CA10: variants seen among roughly 807,000 people sequenced by gnomAD.
CA10 encodes the protein carbonic anhydrase-related protein 10.
CA10 carries 14 observed loss-of-function variants against 44.2 expected under a neutral mutation model. The observed-to-expected ratio is 0.32, with a 90% confidence interval of 0.21 to 0.50. CA10 has a LOEUF of 0.50. CA10 is among the 20% of genes least tolerant of loss of function. The pLI, the probability that CA10 is intolerant of heterozygous loss-of-function variation, is 0.99. For missense variants in CA10, 350 were observed against 409.7 expected, an observed-to-expected ratio of 0.85 and a Z score of 1.26; for synonymous variants, 159 against 141.6, an observed-to-expected ratio of 1.12 and a Z score of -0.87.
intron 3 of CA10, among the ~76,000 whole-genome samples, chr17:51,790,768 C>A (rs1422204857): frequency 6.6e-6 from 1 of 152,240 alleles, no homozygotes; most frequent in Non-Finnish European, 1.5e-5. Context: ...GTTCTACCAT[C>A]TGTGCATCTC....
intron 3 of CA10, among the ~76,000 whole-genome samples, chr17:51,855,293 T>C (rs545279994): frequency 9.9e-5 from 15 of 152,274 alleles, no homozygotes; most frequent in Middle Eastern, 3.4e-3. Context: ...TTCTTATTAC[T>C]ATACAGAAAA....
chr17:52,071,341 A>G (rs896747720), intron 2 of CA10, among the ~76,000 whole-genome samples: 3 of 152,226 alleles, frequency 2.0e-5, no homozygotes, highest in Non-Finnish European at 4.4e-5. Flanking sequence ...GCAAAGCCTC[A>G]CGAGTACTTA....
chr17:51,683,910 G>A (rs563850228), intron 4 of CA10, among the ~76,000 whole-genome samples: 1 of 152,320 alleles, frequency 6.6e-6, no homozygotes, highest in Admixed American at 6.5e-5. Context: ...GACTGTCAGA[G>A]AACCTTCAGA....
chr17:51,664,877 A>G (rs1482895477), intron 4 of CA10, among the ~76,000 whole-genome samples: 1 of 152,222 alleles, frequency 6.6e-6, no homozygotes, highest in East Asian at 1.9e-4. Flanking sequence ...TCAAATATCC[A>G]GGGGCAATGA....
chr17:51,888,802 A>G (rs189513626), intron 3 of CA10, among the ~76,000 whole-genome samples: 41 of 152,332 alleles, frequency 2.7e-4, no homozygotes, highest in Middle Eastern at 3.4e-3. Context: ...ATTGCTACAT[A>G]ATAAATCATC....
intron 3 of CA10, among the ~76,000 whole-genome samples, chr17:51,862,529 C>T (rs1979358303): frequency 1.3e-5 from 2 of 151,830 alleles, no homozygotes; most frequent in Admixed American, 1.3e-4. Context: ...TTTTCAGAGG[C>T]TAAGTTGCTC....
intron 3 of CA10, among the ~76,000 whole-genome samples, chr17:51,770,810 G>A (rs1386700684): frequency 6.6e-6 from 1 of 151,818 alleles, no homozygotes; most frequent in Admixed American, 6.6e-5. Flanking sequence ...AGTGGTGGGG[G>A]AGGTGCCACA....
At chr17:51,752,130 T>C (rs1166080995) in intron 3 of CA10, among the ~76,000 whole-genome samples, 2 of 152,000 alleles carry the variant, frequency 1.3e-5, no homozygotes, top group South Asian at 2.1e-4. Context: ...TAACATTAAT[T>C]TGTATTAATC....
At chr17:51,665,821 C>T (rs4794294) in intron 4 of CA10, among the ~76,000 whole-genome samples, 1 of 152,132 alleles carries the variant, frequency 6.6e-6, no homozygotes, top group African/African-American at 2.4e-5. Context: ...TGAAGGAAAT[C>T]TTGTTAGGTG....
intron 4 of CA10, among the ~76,000 whole-genome samples, chr17:51,705,350 G>A (rs921602137): frequency 6.6e-6 from 1 of 152,094 alleles, no homozygotes; most frequent in African/African-American, 2.4e-5. Flanking sequence ...TCCTTTTAGA[G>A]CACAAACCCC....
chr17:52,053,190 G>GATGGTGAAATC (rs1280928921), intron 2 of CA10, among the ~76,000 whole-genome samples: 1 of 152,128 alleles, frequency 6.6e-6, no homozygotes, highest in Non-Finnish European at 1.5e-5. Flanking sequence ...CTTGAAGGAA[G>GATGGTGAAATC]ATGGTGAAAT....
At chr17:51,765,805 G>C (rs1905361631) in intron 3 of CA10, among the ~76,000 whole-genome samples, 1 of 151,406 alleles carries the variant, frequency 6.6e-6, no homozygotes, top group Admixed American at 6.6e-5. Context: ...AAGGTACCAG[G>C]GAGAGTCTGG....
At chr17:51,713,761 G>T (rs1916014001) in intron 4 of CA10, among the ~76,000 whole-genome samples, 1 of 152,154 alleles carries the variant, frequency 6.6e-6, no homozygotes, top group African/African-American at 2.4e-5. Context: ...TTCCTGGGTA[G>T]GTTCATGACC....
intron 6 of CA10, among the ~76,000 whole-genome samples, chr17:51,642,681 C>T (rs764456086): frequency 7.2e-5 from 11 of 151,990 alleles, no homozygotes; most frequent in Admixed American, 5.9e-4. Context: ...CTTGCTCTGT[C>T]GCCCAGGCTG....
intron 3 of CA10, among the ~76,000 whole-genome samples, chr17:51,782,150 G>A (rs1461726905): frequency 2.0e-5 from 3 of 152,188 alleles, no homozygotes; most frequent in Admixed American, 6.5e-5. Context: ...AATACTCAGA[G>A]ACTTAATTTG....
chr17:51,630,385 C>T lies in CA10; in HGVS notation c.*1199G>A, dbSNP rs1912512520. On this transcript the variant is annotated 3_prime_UTR_variant, in exon 9 of 9. Coordinates refer to ENST00000451037, the MANE Select transcript of CA10 (RefSeq NM_020178.5). The stretch of plus-strand genomic sequence containing the variant: ...AAACACAGTGAGTGACCATTATAAA[C>T]AAGAAAAGAAAGGCATTCGTTTTGT... 1 of 152,566 alleles carries T rather than the reference C, an allele frequency of 6.6e-6. No individual in the cohort carries two copies. Among genetic ancestry groups the T allele is most frequent in the Admixed American group, 6.5e-5 (1 of 15,272 alleles). The allele number at this position is 152,566 out of a possible 1,614,324, so 9.5% of individuals were successfully genotyped here. A position where few individuals can be genotyped will look rare whatever the true frequency, so the allele number is the denominator to read the frequency against.
chr17:51,903,830 A>G (rs1365857170), intron 3 of CA10, among the ~76,000 whole-genome samples: 1 of 152,114 alleles, frequency 6.6e-6, no homozygotes, highest in South Asian at 2.1e-4. Context: ...AAAGAAAGAG[A>G]ATAAGGTAGT....
chr17:52,043,032 C>G (rs1986815793), intron 2 of CA10, among the ~76,000 whole-genome samples: 1 of 151,960 alleles, frequency 6.6e-6, no homozygotes, highest in African/African-American at 2.4e-5. Context: ...AAGTGTGATG[C>G]TTCCAGTTTT....
intron 3 of CA10, among the ~76,000 whole-genome samples, chr17:51,775,173 C>T (rs780327476): frequency 1.3e-5 from 2 of 152,162 alleles, no homozygotes; most frequent in Non-Finnish European, 2.9e-5. Context: ...AGCTCAGTGC[C>T]ATGCTATCTG....
Sources: allele counts gnomAD v4.1 joint callset (sites outside exome capture counted in the v4.1 genomes callset), GRCh38; gene constraint gnomAD v4.1.1; transcripts MANE v1.5; gene names NCBI Gene and HGNC (gene_info 2026-07-23, HGNC 2026-07-21).